Variants in FLYWCH1 observed in about 807,000 individuals in gnomAD.
The protein encoded by FLYWCH1 is FLYWCH-type zinc finger 1, also known as FLYWCH-type zinc finger-containing protein 1.
A neutral mutation model predicts 66.4 loss-of-function variants in FLYWCH1; 75 were observed. The observed-to-expected ratio is 1.13, with a 90% CI of 0.94 to 1.37. FLYWCH1 has a LOEUF of 1.37. FLYWCH1 is among the 40% of genes most tolerant of loss of function. FLYWCH1 has a pLI of 0.00. For synonymous variants in FLYWCH1, 595 were observed against 429.9 expected (o/e 1.38, Z -4.75); for missense variants, 1,334 against 1,001.8 (o/e 1.33, Z -4.48).
Position 2,943,079 on chromosome 16 carries a change from T to G in FLYWCH1, c.2111+2987T>G, listed in dbSNP as rs2151013034. Among the ~76,000 whole-genome samples, 2 of 152,268 alleles carry G rather than the reference T, an allele frequency of 1.3e-5. 1 individual carries two copies. The highest frequency in any genetic ancestry group is 4.1e-4 in the South Asian group (2 of 4,820). On this transcript the variant is annotated intron_variant, in intron 9 of 9. Coordinates refer to ENST00000253928, the MANE Select transcript of FLYWCH1 (RefSeq NM_001308068.2). ...CCCAAATAACAACTGCTCACTCTTTTCTATACAAATCATGTGATATTTGCT... is the reference window on the plus strand; with the variant it reads ...CCCAAATAACAACTGCTCACTCTTTGCTATACAAATCATGTGATATTTGCT...
intron 1 of FLYWCH1, among the ~76,000 whole-genome samples, chr16:2,912,761 G>C (rs1246662101): frequency 3.3e-5 from 5 of 152,160 alleles, no homozygotes; most frequent in Non-Finnish European, 7.3e-5. Context: ...CTAACCCATG[G>C]AGCCTGCACA....
chr16:2,941,671 G>A (rs547278186), intron 9 of FLYWCH1, among the ~76,000 whole-genome samples: 1 of 151,700 alleles, frequency 6.6e-6, no homozygotes, highest in African/African-American at 2.4e-5. Context: ...GAGCCCAGGA[G>A]TTCCATACTA....
Position 2,949,932 on chromosome 16 carries a change from T to C in FLYWCH1, c.*1205T>C, listed in dbSNP as rs1596414158. On this transcript the variant is annotated 3_prime_UTR_variant, in exon 10 of 10. Transcript: ENST00000253928. ...GGGAGACCCCTCCCCATGCCTGGGC[T>C]GTTACAGTCACCTGGCCCAGACGTA... The C allele has an allele frequency of 6.6e-6, 1 of 152,108 alleles. No homozygotes were observed. Among genetic ancestry groups the C allele is most frequent in the Admixed American group, 6.6e-5 (1 of 15,264 alleles). 9.4% of individuals were successfully genotyped at this position (152,108 alleles called of 1,614,324 possible). A position where few individuals can be genotyped will look rare whatever the true frequency, so the allele number is the denominator to read the frequency against.
chr16:2,930,330 C>G (rs551128688), intron 3 of FLYWCH1, 80 bp from the exon 4 acceptor site: 2 of 874,326 alleles, frequency 2.3e-6, no homozygotes, highest in South Asian at 3.8e-5. Flanking sequence ...CTCAGGATCC[C>G]CACGCCCTCC....
chr16:2,937,513 C>A (rs1174874371), intron 7 of FLYWCH1, 129 bp downstream of exon 7: 38 of 1,133,914 alleles, frequency 3.4e-5, no homozygotes, highest in Non-Finnish European at 4.2e-5. Flanking sequence ...GCCATAAACT[C>A]CCCAGGGGCA....
intron 2 of FLYWCH1, among the ~76,000 whole-genome samples, chr16:2,918,730 C>T (rs1029674400): frequency 7.2e-5 from 11 of 152,022 alleles, no homozygotes; most frequent in Non-Finnish European, 1.5e-5. Context: ...CGTGAACCAC[C>T]GTGCCTGGCC....
In FLYWCH1 at chr16:2,946,316, C is replaced by CTTTTT. The variant is rs58279573; in HGVS notation, c.2112-2353_2112-2349dup. ...TCATGCCCTGTATAGGTGGGCTGTA[C>CTTTTT]TTTTTTTTTTTTTTTTTTTTTTTGA... On this transcript the variant is annotated intron_variant, in intron 9 of 9. Coordinates refer to ENST00000253928, the MANE Select transcript of FLYWCH1 (RefSeq NM_001308068.2). Among the ~76,000 whole-genome samples, 42 of 75,544 alleles carry CTTTTT rather than the reference C, an allele frequency of 5.6e-4. 1 individual carries two copies. Among genetic ancestry groups the CTTTTT allele is most frequent in the Admixed American group, 9.2e-4 (5 of 5,456 alleles). The allele number at this position is 75,544 out of a possible 152,430, so 49.6% of individuals were successfully genotyped here.
chr16:2,936,524 C>T (rs1201168810), intron 6 of FLYWCH1: 1 of 453,128 alleles, frequency 2.2e-6, no homozygotes, highest in Non-Finnish European at 4.5e-6. Flanking sequence ...CCCGATGTGT[C>T]CACGATGCCC....
At chr16:2,945,031 G>A (rs1049440443) in intron 9 of FLYWCH1, among the ~76,000 whole-genome samples, 2 of 151,718 alleles carry the variant, frequency 1.3e-5, no homozygotes, top group African/African-American at 4.8e-5. Context: ...CTAGGATAGT[G>A]TGTGTCTTAG....
At chr16:2,928,124 T>C (rs559559026) in intron 2 of FLYWCH1, among the ~76,000 whole-genome samples, 70 of 152,362 alleles carry the variant, frequency 4.6e-4, no homozygotes, top group African/African-American at 1.6e-3. Context: ...CAGAGCAGTA[T>C]TGCTGCCAGC....
intron 6 of FLYWCH1, chr16:2,936,830 GAC>G: frequency 3.3e-6 from 2 of 602,066 alleles, no homozygotes; most frequent in Non-Finnish European, 6.2e-6. Context: ...GGGTGCTGGG[GAC>G]GGACGAGTGA....
chr16:2,930,431 T>A lies in FLYWCH1; in HGVS notation c.347T>A (p.Phe116Tyr), dbSNP rs1273071932. 1.4e-6 allele frequency: 2 copies of A among 1,475,202 alleles called. No homozygotes were observed. Among genetic ancestry groups the A allele is most frequent in the African/African-American group, 2.9e-5 (2 of 69,714 alleles). The allele number at this position is 1,475,202 out of a possible 1,614,324, so 91.4% of individuals were successfully genotyped here. A position where few individuals can be genotyped will look rare whatever the true frequency, so the allele number is the denominator to read the frequency against. ...LDAAAPQSLE[F>Y]LRTPFGGRLL... ...CCAGCAGCCCCTCAGTCCCTGGAGT[T>A]CCTGAGGACACCATTCGGGGGCCGC... The change falls in exon 4 of 10, where the codon TTC (phenylalanine) becomes TAC (tyrosine). Residue 116 changes from phenylalanine to tyrosine, a missense_variant. Transcript: ENST00000253928.
At chr16:2,938,509 C>G in intron 8 of FLYWCH1, 53 bp downstream of exon 8, 1 of 1,468,218 alleles carries the variant, frequency 6.8e-7, no homozygotes. Flanking sequence ...TCATCTCTTC[C>G]AGCTCAGAAC....
At chr16:2,925,552 G>A (rs925496561) in intron 2 of FLYWCH1, among the ~76,000 whole-genome samples, 1 of 142,436 alleles carries the variant, frequency 7.0e-6, no homozygotes, top group Non-Finnish European at 1.5e-5. Context: ...GCCAATCAGC[G>A]CGCGCGGGGT....
At chr16:2,920,429 C>T (rs919522896) in intron 2 of FLYWCH1, among the ~76,000 whole-genome samples, 1 of 151,604 alleles carries the variant, frequency 6.6e-6, no homozygotes, top group Non-Finnish European at 1.5e-5. Flanking sequence ...GCCTGAGAAT[C>T]GCTTGACCCA....
Position 2,937,345 on chromosome 16 carries a change from C to T in FLYWCH1, c.1738C>T (p.Arg580Trp), listed in dbSNP as rs746711873. The T allele has an allele frequency of 3.4e-5, 54 of 1,593,168 alleles. No individual in the cohort carries two copies. Among genetic ancestry groups the T allele is most frequent in the African/African-American group, 1.1e-4 (8 of 74,556 alleles). Reference sequence around the variant, plus strand: ...GGGCGGCCTGGAGGCCCTGCGGCAGCGGGAGCACTTCCCCAACCTGGCGCA... The same window carrying T: ...GGGCGGCCTGGAGGCCCTGCGGCAGTGGGAGCACTTCCCCAACCTGGCGCA... Reference protein sequence around the residue: ...DLGGLEALRQREHFPNLAQWD... With the variant: ...DLGGLEALRQWEHFPNLAQWD... The change falls in exon 7 of 10, where the codon CGG becomes TGG. Residue 580 changes from arginine to tryptophan, a missense_variant. Coordinates refer to ENST00000253928, the MANE Select transcript of FLYWCH1 (RefSeq NM_001308068.2).
chr16:2,939,672 C>G, intron 8 of FLYWCH1: 1 of 241,940 alleles, frequency 4.1e-6, no homozygotes, highest in Admixed American at 5.3e-5. Context: ...TGCAGTCCAG[C>G]CTGGGTGACA....
At chr16:2,936,275 T>TC (rs1175388583) in intron 6 of FLYWCH1, 1 of 393,054 alleles carries the variant, frequency 2.5e-6, no homozygotes, top group Admixed American at 3.0e-5. Flanking sequence ...CACCACCCCC[T>TC]CCCGTGGCCT....
intron 8 of FLYWCH1, 70 bp downstream of exon 8, chr16:2,938,526 C>T: frequency 5.6e-6 from 8 of 1,429,652 alleles, no homozygotes; most frequent in Non-Finnish European, 7.4e-6. Context: ...GAACTGATGC[C>T]CCAGGCCAGG....
Sources: allele counts gnomAD v4.1 joint callset (sites outside exome capture counted in the v4.1 genomes callset), GRCh38; gene constraint gnomAD v4.1.1; transcripts MANE v1.5; gene names NCBI Gene and HGNC (gene_info 2026-07-23, HGNC 2026-07-21).